The following FAT4 variants were observed in gnomAD, a reference collection of about 807,000 sequenced individuals.
The protein encoded by FAT4 is protocadherin Fat 4.
Under a neutral mutation model 303.9 loss-of-function variants are expected in FAT4, and 84 were observed. That is an observed-to-expected ratio of 0.28 (90% CI 0.23 to 0.33). The LOEUF (loss-of-function observed/expected upper bound fraction) is 0.33. Ranked by LOEUF, FAT4 falls within the 10% of genes least tolerant of loss-of-function variation. The pLI, the probability that FAT4 is intolerant of heterozygous loss-of-function variation, is 1.00. For synonymous variants in FAT4, 2,307 were observed against 2,298.8 expected (o/e 1.00, Z -0.10); for missense variants, 6,005 against 6,146.8 (o/e 0.98, Z 0.77).
In FAT4 at chr4:125,319,234, T is replaced by A; in HGVS notation, c.2823T>A (p.Ala941=). The A allele has an allele frequency of 6.2e-7, 1 of 1,614,180 alleles. No homozygotes were observed. The highest frequency in any genetic ancestry group is 8.5e-7 in the Non-Finnish European group (1 of 1,180,018). ...AGCAAAACCCCAAGAACCTGTTTGC[T>A]ATCAATGAAAAGAATGGCACTATTA... ...SLKQNPKNLF[A]INEKNGTISL... is the part of the protein sequence containing the mutation. The change falls in exon 2 of 18, where the codon GCT becomes GCA. Residue 941 remains alanine, a synonymous_variant. Coordinates refer to ENST00000394329, the MANE Select transcript of FAT4 (RefSeq NM_001291303.3).
intron 5 of FAT4, among the ~76,000 whole-genome samples, chr4:125,409,547 C>A (rs938599222): frequency 6.6e-6 from 1 of 152,130 alleles, no homozygotes; most frequent in Non-Finnish European, 1.5e-5. Flanking sequence ...TGAGCCACTG[C>A]ACCCAGCCCA....
chr4:125,438,276 A>T (rs933857976), intron 8 of FAT4, among the ~76,000 whole-genome samples: 1 of 152,184 alleles, frequency 6.6e-6, no homozygotes, highest in Admixed American at 6.5e-5. Flanking sequence ...AAATGCTGTG[A>T]TGACCTGCTG....
intron 2 of FAT4, among the ~76,000 whole-genome samples, chr4:125,360,921 TTTTA>T (rs955117533): frequency 1.4e-3 from 183 of 129,556 alleles, no homozygotes; most frequent in African/African-American, 4.5e-3. Flanking sequence ...TTATTATTTA[TTTTA>T]TTTATTTATT....
chr4:125,383,626 A>G (rs1317012790), intron 2 of FAT4, among the ~76,000 whole-genome samples: 1 of 152,212 alleles, frequency 6.6e-6, no homozygotes, highest in Admixed American at 6.5e-5. Context: ...AAACTTGCTC[A>G]ATGCAGGGAT....
rs1187716261 is a variant in FAT4, at chr4:125,321,011, G to A, written c.4600G>A (p.Ala1534Thr). Reference protein sequence around the residue: ...DNVPMFISQNALAADPSAVIG... With the variant: ...DNVPMFISQNTLAADPSAVIG... ...TGTCCCAATGTTTATATCACAAAAC[G>A]CCCTTGCTGCAGACCCATCAGCTGT... The change falls in exon 2 of 18, where the codon GCC becomes ACC. Residue 1534 changes from alanine (A) to threonine (T), a missense_variant. Transcript: ENST00000394329. 15 of 1,613,946 alleles carry A rather than the reference G, an allele frequency of 9.3e-6. No individual in the cohort carries two copies. Among genetic ancestry groups the A allele is most frequent in the African/African-American group, 2.7e-5 (2 of 74,888 alleles).
In FAT4 at chr4:125,321,460, T is replaced by C. The variant is rs1730944118; in HGVS notation, c.5049T>C (p.Ile1683=). ...AAACTGTTGGACGCCTCTTTACTAT[T>C]GGACGACATACTGGTATAATTCAGA... The part of the protein sequence containing the change: ...EEKTVGRLFT[I]GRHTGIIQTA... Residue 1683 remains isoleucine, a synonymous_variant, in exon 2 of 18, where the codon ATT becomes ATC. Transcript: ENST00000394329. The C allele has an allele frequency of 6.2e-7, 1 of 1,614,020 alleles. No homozygotes were observed. The highest frequency in any genetic ancestry group is 1.7e-5 in the Admixed American group (1 of 60,010).
At chr4:125,358,763 G>A (rs530686736) in intron 2 of FAT4, among the ~76,000 whole-genome samples, 2 of 152,206 alleles carry the variant, frequency 1.3e-5, no homozygotes, top group African/African-American at 4.8e-5. Flanking sequence ...GTGGCCCAGG[G>A]GTTGGGGACC....
At chr4:125,481,499 C>G in intron 15 of FAT4, 22 bp from the exon 16 acceptor site, 1 of 1,609,346 alleles carries the variant, frequency 6.2e-7, no homozygotes, top group Non-Finnish European at 8.5e-7. Flanking sequence ...ATTCATTTTC[C>G]CTTTTTTCCT....
At chr4:125,452,948 G>A in intron 10 of FAT4, 138 bp downstream of exon 10, 3 of 1,099,922 alleles carry the variant, frequency 2.7e-6, no homozygotes, top group Non-Finnish European at 3.9e-6. Context: ...ATTTACTGTT[G>A]GTCAAATACT....
intron 2 of FAT4, among the ~76,000 whole-genome samples, chr4:125,343,540 T>C (rs899893832): frequency 7.2e-5 from 11 of 152,222 alleles, no homozygotes; most frequent in African/African-American, 2.7e-4. Flanking sequence ...AATATAGTTT[T>C]AATAGCACTT....
chr4:125,372,241 A>G (rs770991107), intron 2 of FAT4, among the ~76,000 whole-genome samples: 1 of 152,104 alleles, frequency 6.6e-6, no homozygotes, highest in Non-Finnish European at 1.5e-5. Flanking sequence ...ACACACCTGC[A>G]GTTCCAGCTA....
intron 5 of FAT4, among the ~76,000 whole-genome samples, chr4:125,410,054 T>C (rs1413125879): frequency 6.6e-6 from 1 of 152,180 alleles, no homozygotes; most frequent in Non-Finnish European, 1.5e-5. Flanking sequence ...ATAGTGTCTA[T>C]AAATGGCACT....
In FAT4 at chr4:125,451,600, G is replaced by C; in HGVS notation, c.10590G>C (p.Met3530Ile). The C allele has an allele frequency of 6.2e-7, 1 of 1,614,082 alleles. No homozygotes were observed. Among genetic ancestry groups the C allele is most frequent in the Non-Finnish European group, 8.5e-7 (1 of 1,180,002 alleles). Residue 3530 changes from methionine to isoleucine, a missense_variant, in exon 10 of 18, where the codon ATG (methionine) becomes ATC (isoleucine). Transcript: ENST00000394329. ...MENKRPGTLV[M>I]TLQSTDPDLP... The stretch of plus-strand genomic sequence containing the variant: ...ACAAACGGCCAGGCACTTTGGTGAT[G>C]ACCCTTCAGTCCACTGACCCTGATC...
intron 7 of FAT4, among the ~76,000 whole-genome samples, chr4:125,420,803 C>T (rs1379500155): frequency 6.6e-6 from 1 of 152,200 alleles, no homozygotes; most frequent in South Asian, 2.1e-4. Context: ...ATTCTGTTAT[C>T]TATTAGACGT....
At chr4:125,380,551 C>A (rs534868972) in intron 2 of FAT4, among the ~76,000 whole-genome samples, 1 of 152,268 alleles carries the variant, frequency 6.6e-6, no homozygotes, top group Non-Finnish European at 1.5e-5. Context: ...TAACAGTTAA[C>A]AGAGACTATT....
In FAT4 at chr4:125,464,526, T is replaced by C. The variant is rs577834739; in HGVS notation, c.11905+859T>C. Among the ~76,000 whole-genome samples the C allele has an allele frequency of 3.3e-5, 5 of 152,188 alleles. No individual in the cohort carries two copies. In the South Asian group the frequency reaches 1.0e-3, roughly 32 times the overall value. On this transcript the variant is annotated intron_variant, in intron 11 of 17. Coordinates refer to ENST00000394329, the MANE Select transcript of FAT4 (RefSeq NM_001291303.3). ...TCCCCTTTGTATATCTATTTATTTA[T>C]TTTTTTATTATACTTTAAGTTCTAG...
At chr4:125,476,409 A>T (rs1727031483) in intron 13 of FAT4, among the ~76,000 whole-genome samples, 153 bp downstream of exon 13, 1 of 152,196 alleles carries the variant, frequency 6.6e-6, no homozygotes, top group Non-Finnish European at 1.5e-5. Flanking sequence ...AATAGTCAAT[A>T]ATTACTGTGC....
rs145651946 is a variant in FAT4, at chr4:125,468,992, TA to T, written c.12213+178del. Among the ~76,000 whole-genome samples, 518 of 152,258 alleles carry T rather than the reference TA, an allele frequency of 3.4e-3. 3 individuals are homozygous for T. The highest frequency in any genetic ancestry group is 0.012 in the African/African-American group (484 of 41,562). Reference sequence around the variant, plus strand: ...TCATGACAACTCTGTTCAAAAACAATAAAAAGGAGAACAATTGAGAATATAG... The same window carrying T: ...TCATGACAACTCTGTTCAAAAACAATAAAAGGAGAACAATTGAGAATATAG... On this transcript the variant is annotated intron_variant, in intron 12 of 17. Transcript: ENST00000394329.
chr4:125,438,000 C>A (rs1490901984), intron 8 of FAT4, among the ~76,000 whole-genome samples: 4 of 152,148 alleles, frequency 2.6e-5, no homozygotes, highest in Admixed American at 2.6e-4. Context: ...AAGCACCTAG[C>A]CCTCTACCTG....
Sources: allele counts gnomAD v4.1 joint callset (sites outside exome capture counted in the v4.1 genomes callset), GRCh38; gene constraint gnomAD v4.1.1; transcripts MANE v1.5; gene names NCBI Gene and HGNC (gene_info 2026-07-23, HGNC 2026-07-21).